The following LRRC43 variants were observed in gnomAD, a reference collection of about 807,000 sequenced individuals.
The protein encoded by LRRC43 is leucine-rich repeat-containing protein 43.
LRRC43 carries 62 observed loss-of-function variants against 64.3 expected under a neutral mutation model. The observed-to-expected ratio is 0.96, with a 90% CI of 0.79 to 1.19. The LOEUF is 1.19. LRRC43 is among the 50% of genes most tolerant of loss of function. The pLI is 0.00. For missense variants in LRRC43, 868 were observed against 845.0 expected (o/e 1.03, Z -0.34); for synonymous variants, 422 against 382.3 (o/e 1.10, Z -1.21).
At chr12:122,201,477 A>G (rs545735530) in intron 11 of LRRC43, 148 bp downstream of exon 11, 104 of 730,428 alleles carry the variant, frequency 1.4e-4, no homozygotes, top group Non-Finnish European at 2.0e-4. Flanking sequence ...ATCCAGTGTT[A>G]TTATTTCTTC....
At chr12:122,202,521 AC>A (rs1161262936) in intron 11 of LRRC43, 1 of 152,218 alleles carries the variant, frequency 6.6e-6, no homozygotes, top group African/African-American at 2.4e-5. Context: ...CGGATATTTT[AC>A]CATGCAGTTT....
At chr12:122,172,564 T>C (rs1465420417) in intron 1 of LRRC43, 7 of 1,614,208 alleles carry the variant, frequency 4.3e-6, no homozygotes, top group South Asian at 1.1e-5. Flanking sequence ...TCTTGAAATA[T>C]GAGTTTGTCG....
intron 7 of LRRC43, among the ~76,000 whole-genome samples, chr12:122,194,501 G>A (rs2136052444): frequency 6.6e-6 from 1 of 151,700 alleles, no homozygotes; most frequent in South Asian, 2.1e-4. Context: ...AGGAGGCAGA[G>A]GTTGCGGTGA....
intron 11 of LRRC43, 63 bp downstream of exon 11, chr12:122,201,392 C>G: frequency 8.6e-6 from 13 of 1,514,416 alleles, no homozygotes; most frequent in Non-Finnish European, 1.2e-5. Context: ...AGGGCCAGCC[C>G]TGGGGGAGGC....
At chr12:122,189,690 C>T (rs556345456) in intron 4 of LRRC43, among the ~76,000 whole-genome samples, 2 of 152,308 alleles carry the variant, frequency 1.3e-5, no homozygotes, top group African/African-American at 4.8e-5. Context: ...GCTCCCTCCT[C>T]CCACTCCCCA....
intron 2 of LRRC43, 36 bp from the exon 3 acceptor site, chr12:122,186,154 C>G: frequency 8.0e-7 from 1 of 1,244,092 alleles, no homozygotes; most frequent in Non-Finnish European, 1.2e-6. Flanking sequence ...GCTCCCTCTC[C>G]TGCTACAGCC....
At chr12:122,169,492 G>A (rs1308477624) in intron 1 of LRRC43, among the ~76,000 whole-genome samples, 2 of 152,022 alleles carry the variant, frequency 1.3e-5, no homozygotes, top group African/African-American at 4.8e-5. Context: ...GAGACAGGTG[G>A]ATCACGAGGT....
At chr12:122,177,476 A>AGTGTGTGTGTGTGTGTGT (rs67103998) in intron 1 of LRRC43, among the ~76,000 whole-genome samples, 7 of 143,590 alleles carry the variant, frequency 4.9e-5, no homozygotes, top group South Asian at 4.6e-4. Context: ...TGAGAGAGAA[A>AGTGTGTGTGTGTGTGTGT]GTGTGTGTGT....
At chr12:122,173,758 C>G in intron 1 of LRRC43, 4 of 1,196,868 alleles carry the variant, frequency 3.3e-6, no homozygotes, top group Non-Finnish European at 4.8e-6. Context: ...GCCCTGGTTT[C>G]AGGTCCGGAG....
intron 4 of LRRC43, among the ~76,000 whole-genome samples, chr12:122,188,484 C>T (rs922912654): frequency 6.6e-6 from 1 of 151,136 alleles, no homozygotes; most frequent in African/African-American, 2.4e-5. Flanking sequence ...CTCTGTTGCC[C>T]AGGCTAGAGT....
chr12:122,170,203 A>G (rs978831104), intron 1 of LRRC43, among the ~76,000 whole-genome samples: 1 of 152,172 alleles, frequency 6.6e-6, no homozygotes, highest in Non-Finnish European at 1.5e-5. Context: ...AGTTTTAGAT[A>G]ATTTTTCTAA....
intron 1 of LRRC43, chr12:122,173,863 G>T: frequency 6.2e-7 from 1 of 1,613,920 alleles, no homozygotes; most frequent in Non-Finnish European, 8.5e-7. Flanking sequence ...AAGCATCTTC[G>T]AGAGGGACTG....
chr12:122,200,113 C>T lies in LRRC43; in HGVS notation c.1350-76C>T. 1 of 1,512,886 alleles carries T rather than the reference C, an allele frequency of 6.6e-7. No individual in the cohort carries two copies. Among genetic ancestry groups the T allele is most frequent in the Non-Finnish European group, 9.0e-7 (1 of 1,112,794 alleles). The allele number at this position is 1,512,886 out of a possible 1,614,324, so 93.7% of individuals were successfully genotyped here. On this transcript the variant is annotated intron_variant, in intron 7 of 11. Coordinates refer to ENST00000339777, the MANE Select transcript of LRRC43 (RefSeq NM_001098519.2). The surrounding 1 kb of genome is among the most constrained non-coding windows in gnomAD (Gnocchi z 4.6). ...TGCTCGTGGTCTCCTCGGATGTCCC[C>T]TCACAGTCCTGTCCCGGGTCCCTGG...
chr12:122,182,390 C>T (rs1218037377), upstream of LRRC43, among the ~76,000 whole-genome samples: 1 of 151,962 alleles, frequency 6.6e-6, no homozygotes, highest in African/African-American at 2.4e-5. Flanking sequence ...GGCGTTGTGG[C>T]AGGCGGTTGT....
Position 122,200,231 on chromosome 12 carries a change from C to T in LRRC43, c.1392C>T (p.Val464=). Residue 464 remains valine, a synonymous_variant, in exon 8 of 12, where the codon GTC becomes GTT. Coordinates refer to ENST00000339777, the MANE Select transcript of LRRC43 (RefSeq NM_001098519.2). The surrounding 1 kb of genome is among the most constrained non-coding windows in gnomAD (Gnocchi z 4.6). ...CTGCCCACAAGCCCTGGGCTGAGGTCATCCCCTGCAGTTACGAGATGCAGC... is the reference window on the plus strand; with the variant it reads ...CTGCCCACAAGCCCTGGGCTGAGGTTATCCCCTGCAGTTACGAGATGCAGC... ...FSTAHKPWAE[V]IPCSYEMQHS... 6.2e-7 allele frequency: 1 copy of T among 1,614,078 alleles called. No homozygotes were observed. The highest frequency in any genetic ancestry group is 8.5e-7 in the Non-Finnish European group (1 of 1,180,014).
At chr12:122,192,615 C>T in intron 6 of LRRC43, 130 bp from the exon 7 acceptor site, 2 of 1,035,938 alleles carry the variant, frequency 1.9e-6, no homozygotes, top group Non-Finnish European at 2.8e-6. Context: ...TTCCTGCCTC[C>T]TAGCGTGGTG....
chr12:122,187,016 C>T (rs562896097), intron 3 of LRRC43, among the ~76,000 whole-genome samples: 19 of 152,180 alleles, frequency 1.2e-4, no homozygotes, highest in Admixed American at 3.3e-4. Context: ...GGCAGATTGC[C>T]TGTTCTCAGG....
At position 122,187,753 on chromosome 12, in the gene LRRC43, AC is replaced by A. The variant is rs750183053; in HGVS notation, c.578del (p.Pro193HisfsTer10). 22 of 1,613,810 alleles carry A rather than the reference AC, an allele frequency of 1.4e-5. No homozygotes were observed. The highest frequency in any genetic ancestry group is 1.3e-4 in the East Asian group (6 of 44,888). ...EISSMECLCA[H>X]PPAGLQHLGL... ...AGCAGCATGGAGTGTCTGTGTGCCC[AC>A]CCACCCGCCGGCCTGCAGCACTTGG... On this transcript the variant is annotated frameshift_variant, in exon 4 of 12. Transcript: ENST00000339777. LOFTEE classifies it high-confidence loss of function.
At chr12:122,193,788 G>T (rs1266990960) in intron 7 of LRRC43, among the ~76,000 whole-genome samples, 3 of 152,162 alleles carry the variant, frequency 2.0e-5, no homozygotes, top group Admixed American at 6.5e-5. Flanking sequence ...TTGAGCTCCT[G>T]GTCTCAAGTG....
Sources: allele counts gnomAD v4.1 joint callset (sites outside exome capture counted in the v4.1 genomes callset), GRCh38; gene constraint gnomAD v4.1.1; non-coding constraint Gnocchi (gnomAD v3.1); transcripts MANE v1.5; gene names NCBI Gene and HGNC (gene_info 2026-07-23, HGNC 2026-07-21).